Variants in ABCB4 observed in about 807,000 individuals in gnomAD.
ABCB4 encodes the protein phosphatidylcholine translocator ABCB4.
ABCB4 carries 76 observed loss-of-function variants against 145.7 expected under a neutral mutation model. The ratio of observed to expected loss-of-function variants is 0.52; its 90% confidence interval spans 0.43 to 0.63. The LOEUF is 0.63. ABCB4 is among the 30% of genes least tolerant of loss of function. The pLI is 0.00. For missense variants in ABCB4, 1,234 were observed against 1,553.1 expected (o/e 0.79, Z 3.45); for synonymous variants, 517 against 566.8 (o/e 0.91, Z 1.25).
At chr7:87,403,543 G>A (rs1302490340) in intron 26 of ABCB4, among the ~76,000 whole-genome samples, 3 of 152,142 alleles carry the variant, frequency 2.0e-5, no homozygotes, top group African/African-American at 7.2e-5. Context: ...ACGGATATAT[G>A]AATCAATAAG....
At chr7:87,402,938 G>T (rs1013437169) in intron 27 of ABCB4, among the ~76,000 whole-genome samples, 197 bp downstream of exon 27, 1 of 152,194 alleles carries the variant, frequency 6.6e-6, no homozygotes, top group Non-Finnish European at 1.5e-5. Context: ...GGCAGAGGTT[G>T]CAGTGAGCTG....
chr7:87,437,807 A>AC (rs45485800), intron 14 of ABCB4, among the ~76,000 whole-genome samples: 8 of 152,188 alleles, frequency 5.3e-5, no homozygotes, highest in Admixed American at 6.5e-5. Flanking sequence ...CTTAACCATC[A>AC]CCCTAAGCTG....
At chr7:87,407,312 A>G (rs2116354048) in intron 25 of ABCB4, among the ~76,000 whole-genome samples, 1 of 152,366 alleles carries the variant, frequency 6.6e-6, no homozygotes, top group South Asian at 2.1e-4. Context: ...TGTTACCTGC[A>G]GAATAGCTAT....
At position 87,431,657 on chromosome 7, in the gene ABCB4, G is replaced by T. The variant is rs1810244143; in HGVS notation, c.1732-92C>A. ...TTAAGCACTTGGATGAATGCTGTTT[G>T]TAGATGATTAGAGAGTAGTTTATAC... On this transcript the variant is annotated intron_variant, in intron 14 of 27. Transcript: ENST00000649586. 2.0e-6 allele frequency: 3 copies of T among 1,486,822 alleles called. No homozygotes were observed. The Admixed American group carries it at 5.0e-5, about 25-fold the overall frequency. 92.1% of individuals were successfully genotyped at this position (1,486,822 alleles called of 1,614,324 possible). A position where few individuals can be genotyped will look rare whatever the true frequency, so the allele number is the denominator to read the frequency against.
chr7:87,427,502 T>C (rs531544810), intron 15 of ABCB4, among the ~76,000 whole-genome samples: 6 of 152,246 alleles, frequency 3.9e-5, no homozygotes, highest in African/African-American at 1.4e-4. Context: ...GTGGGGGTGC[T>C]GATCTAAGGA....
intron 9 of ABCB4, among the ~76,000 whole-genome samples, chr7:87,446,764 C>T (rs1354777213): frequency 6.6e-6 from 1 of 152,152 alleles, no homozygotes; most frequent in Non-Finnish European, 1.5e-5. Context: ...TTTGTTTATT[C>T]CTAAATTCAT....
chr7:87,381,197 AGTG>A, the ABCB4 span, among the ~76,000 whole-genome samples: 2 of 152,180 alleles, frequency 1.3e-5, no homozygotes, highest in East Asian at 3.8e-4. Context: ...TCTAATGTAA[AGTG>A]GTGACAGTCA....
chr7:87,411,825 C>G (rs1808642925), intron 23 of ABCB4, 68 bp downstream of exon 23: 1 of 1,518,914 alleles, frequency 6.6e-7, no homozygotes, highest in Non-Finnish European at 9.0e-7. Flanking sequence ...TTTTCCTACT[C>G]TAAACTTTTG....
chr7:87,401,759 C>G lies in ABCB4; in HGVS notation c.*337G>C. The G allele has an allele frequency of 1.1e-5, 4 of 349,578 alleles. No homozygotes were observed. Among genetic ancestry groups the G allele is most frequent in the South Asian group, 1.1e-4 (4 of 35,930 alleles). The allele number at this position is 349,578 out of a possible 1,614,324, so 21.7% of individuals were successfully genotyped here. A position where few individuals can be genotyped will look rare whatever the true frequency, so the allele number is the denominator to read the frequency against. On this transcript the variant is annotated 3_prime_UTR_variant, in exon 28 of 28. Coordinates refer to ENST00000649586, the MANE Select transcript of ABCB4 (RefSeq NM_000443.4). Reference sequence around the variant, plus strand: ...GAAAATTATTCCCAAACTTTCCTGTCTACCCAACCCATTCAGGACCATAAG... The same window carrying G: ...GAAAATTATTCCCAAACTTTCCTGTGTACCCAACCCATTCAGGACCATAAG...
intron 18 of ABCB4, among the ~76,000 whole-genome samples, chr7:87,420,437 A>G (rs45566237): frequency 0.024 from 3,610 of 152,290 alleles, 82 homozygotes; most frequent in Non-Finnish European, 0.035. Flanking sequence ...CCATACGCTT[A>G]TAAAACCTGA....
At chr7:87,397,717 T>G (rs1807584082), downstream of ABCB4, among the ~76,000 whole-genome samples, 1 of 152,240 alleles carries the variant, frequency 6.6e-6, no homozygotes, top group African/African-American at 2.4e-5. Flanking sequence ...GACATTGGTT[T>G]CATCATTATA....
At chr7:87,388,528 G>C in the ABCB4 span, among the ~76,000 whole-genome samples, 1 of 152,152 alleles carries the variant, frequency 6.6e-6, no homozygotes, top group African/African-American at 2.4e-5. Context: ...AATGGGGAAA[G>C]GATTCCCTAT....
At position 87,440,245 on chromosome 7, in the gene ABCB4, G is replaced by A; in HGVS notation, c.1514C>T (p.Ala505Val). ...GNVTMDEIKK[A>V]VKEANAYEFI... ...CTCATAGGCGTTGGCCTCTTTGACAGCTTTCTTTATCTCATCCATGGTTAC... is the reference window on the plus strand; with the variant it reads ...CTCATAGGCGTTGGCCTCTTTGACAACTTTCTTTATCTCATCCATGGTTAC... The change falls in exon 13 of 28, where the codon GCT (alanine) becomes GTT (valine). Residue 505 changes from alanine (A) to valine (V), a missense_variant. Physicochemically the swap from Ala to Val is moderately conservative, Grantham distance 64. Coordinates refer to ENST00000649586, the MANE Select transcript of ABCB4 (RefSeq NM_000443.4). The A allele has an allele frequency of 6.2e-7, 1 of 1,614,110 alleles. No homozygotes were observed. Among genetic ancestry groups the A allele is most frequent in the Non-Finnish European group, 8.5e-7 (1 of 1,180,002 alleles).
intron 12 of ABCB4, 97 bp downstream of exon 12, chr7:87,443,222 C>T (rs938912455): frequency 5.2e-6 from 8 of 1,525,602 alleles, no homozygotes; most frequent in Non-Finnish European, 5.4e-6. Context: ...TTTACCAAAA[C>T]TGGATTCACA....
chr7:87,391,445 GCT>G, the ABCB4 span: 1 of 700,588 alleles, frequency 1.4e-6, no homozygotes, highest in Non-Finnish European at 2.2e-6. Flanking sequence ...TTGGAAATAG[GCT>G]CTTTTTTGTT....
chr7:87,471,203 C>A (rs1473942917), intron 3 of ABCB4, among the ~76,000 whole-genome samples: 33 of 133,796 alleles, frequency 2.5e-4, no homozygotes, highest in Admixed American at 4.7e-4. Flanking sequence ...CATCACACAC[C>A]GGGGCCTATT....
intron 25 of ABCB4, 116 bp downstream of exon 25, chr7:87,407,921 T>C (rs1454925197): frequency 7.6e-7 from 1 of 1,320,270 alleles, no homozygotes; most frequent in East Asian, 2.3e-5. Context: ...TAGAATGTGG[T>C]CATTGTATCA....
At chr7:87,389,811 A>T in the ABCB4 span, among the ~76,000 whole-genome samples, 1 of 93,588 alleles carries the variant, frequency 1.1e-5, no homozygotes, top group Non-Finnish European at 2.7e-5. Context: ...GATGTTTTTT[A>T]AATCCAGTTT....
chr7:87,388,044 G>T, the ABCB4 span, among the ~76,000 whole-genome samples: 3 of 152,014 alleles, frequency 2.0e-5, no homozygotes, highest in African/African-American at 7.2e-5. Context: ...GGAGCAGGTG[G>T]GTGTGATACC....
Sources: gnomAD v4.1 joint callset for allele counts (sites outside exome capture counted in the v4.1 genomes callset) on GRCh38, gnomAD v4.1.1 for gene constraint, MANE v1.5 for transcripts, NCBI Gene and HGNC (gene_info 2026-07-23, HGNC 2026-07-21) for gene names.